Variants in ARSG observed in about 807,000 individuals in gnomAD.
ARSG encodes the protein arylsulfatase G.
ARSG carries 37 observed loss-of-function variants against 50.5 expected under a neutral mutation model. The observed-to-expected ratio is 0.73, with a 90% CI of 0.56 to 0.96. ARSG has a LOEUF of 0.96. Ranked by LOEUF, ARSG falls within the 50% of genes least tolerant of loss-of-function variation. The probability of loss-of-function intolerance (pLI) is 0.00; values close to 1 mark genes in which losing one functional copy is unlikely to be tolerated. For missense variants in ARSG, 629 were observed against 675.3 expected, an observed-to-expected ratio of 0.93 and a Z score of 0.76; for synonymous variants, 225 against 254.6, an observed-to-expected ratio of 0.88 and a Z score of 1.11.
rs1352821640 is a variant in ARSG, at chr17:68,378,827, A to G, written c.983-6237A>G. Among the ~76,000 whole-genome samples the G allele has an allele frequency of 6.6e-6, 1 of 150,626 alleles. No homozygotes were observed. Among genetic ancestry groups the G allele is most frequent in the Non-Finnish European group, 1.5e-5 (1 of 67,796 alleles). ...TGTTGAATTTGGCATCCAGGCTCCTAGGAGACCTTGGTTGTTTGTAATTTG... is the reference window on the plus strand; with the variant it reads ...TGTTGAATTTGGCATCCAGGCTCCTGGGAGACCTTGGTTGTTTGTAATTTG... On this transcript the variant is annotated intron_variant, in intron 8 of 11. Transcript: ENST00000621439. The surrounding 1 kb of genome is among the most constrained non-coding windows in gnomAD (Gnocchi z 4.4).
intron 7 of ARSG, among the ~76,000 whole-genome samples, chr17:68,369,985 G>A (rs1221879922): frequency 6.6e-6 from 1 of 152,032 alleles, no homozygotes; most frequent in Non-Finnish European, 1.5e-5. Flanking sequence ...TGTTCTTCAC[G>A]GATGGGAATC....
chr17:68,426,154 G>A (rs774841316), downstream of ARSG: 123 of 1,591,874 alleles, frequency 7.7e-5, 1 homozygote, highest in Non-Finnish European at 7.4e-5. Context: ...TCCTCGCAGC[G>A]CCCCGCCGTC....
At chr17:68,338,382 G>A (rs189359521) in intron 2 of ARSG, among the ~76,000 whole-genome samples, 2 of 152,270 alleles carry the variant, frequency 1.3e-5, no homozygotes, top group East Asian at 1.9e-4. Context: ...CTTTATCTCA[G>A]TTTCCTCCTT....
In ARSG at chr17:68,347,122, C is replaced by T. The variant is rs1206149531; in HGVS notation, c.407-3C>T. On this transcript the variant is annotated splice_region_variant and splice_polypyrimidine_tract_variant and intron_variant, in intron 3 of 11. Coordinates refer to ENST00000621439, the MANE Select transcript of ARSG (RefSeq NM_001267727.2). The stretch of plus-strand genomic sequence containing the variant: ...TGAAAATCTCTCTTATGTTTTTCTA[C>T]AGGCAAATGGCATCTTGGACACCAC... 2 of 1,613,972 alleles carry T rather than the reference C, an allele frequency of 1.2e-6. No individual in the cohort carries two copies. Among genetic ancestry groups the T allele is most frequent in the East Asian group, 2.2e-5 (1 of 44,882 alleles).
chr17:68,395,310 G>A lies in ARSG; in HGVS notation c.1212+117G>A, dbSNP rs878938078. 1.8e-5 allele frequency: 27 copies of A among 1,468,882 alleles called. No homozygotes were observed. The Admixed American group carries it at 2.1e-4, about 11-fold the overall frequency. 91.0% of individuals were successfully genotyped at this position (1,468,882 alleles called of 1,614,324 possible). A position where few individuals can be genotyped will look rare whatever the true frequency, so the allele number is the denominator to read the frequency against. ...GATGGTCAAGAACAGGCTGCAGGTC[G>A]GATACAGTGGCTCACGCCTGTAATC... On this transcript the variant is annotated intron_variant, in intron 10 of 11. Coordinates refer to ENST00000621439, the MANE Select transcript of ARSG (RefSeq NM_001267727.2).
intron 8 of ARSG, among the ~76,000 whole-genome samples, chr17:68,373,478 C>T (rs1256523133): frequency 6.6e-6 from 1 of 152,104 alleles, no homozygotes; most frequent in East Asian, 1.9e-4. Flanking sequence ...ATCCACCCAT[C>T]TTGGCCTTCC....
At chr17:68,319,278 T>C (rs528548196) in intron 2 of ARSG, among the ~76,000 whole-genome samples, 27 of 152,334 alleles carry the variant, frequency 1.8e-4, no homozygotes, top group African/African-American at 6.3e-4. Context: ...CATTATCCCC[T>C]AGAGGCCAGC....
At chr17:68,342,900 C>T (rs1020147033) in intron 2 of ARSG, among the ~76,000 whole-genome samples, 3 of 152,158 alleles carry the variant, frequency 2.0e-5, no homozygotes, top group Non-Finnish European at 2.9e-5. Flanking sequence ...AGAATGTGTG[C>T]GCCAAAGCTA....
chr17:68,273,446 G>A (rs1280113114), intron 1 of ARSG, among the ~76,000 whole-genome samples: 3 of 152,000 alleles, frequency 2.0e-5, no homozygotes, highest in Non-Finnish European at 2.9e-5. Flanking sequence ...GTCTCAAACT[G>A]CTGGGCTCAC....
At chr17:68,420,127 G>A (rs771003277) in intron 11 of ARSG, 62 bp from the exon 12 acceptor site, 58 of 1,572,408 alleles carry the variant, frequency 3.7e-5, no homozygotes, top group Admixed American at 7.2e-5. Context: ...CGCAGCTCTC[G>A]TCTTTACAAC....
intron 5 of ARSG, among the ~76,000 whole-genome samples, chr17:68,355,759 T>G (rs1022779043): frequency 6.6e-6 from 1 of 152,030 alleles, no homozygotes; most frequent in African/African-American, 2.4e-5. Flanking sequence ...TGTTTTTTTT[T>G]TTTTTCCAGG....
In ARSG at chr17:68,307,574, C is replaced by T. The variant is rs1450573573; in HGVS notation, c.81C>T (p.Ile27=). 1.2e-6 allele frequency: 2 copies of T among 1,614,042 alleles called. No individual in the cohort carries two copies. The highest frequency in any genetic ancestry group is 1.7e-6 in the Non-Finnish European group (2 of 1,180,002). ...TTTATCCTCTTGTGGATTTTTGCAT[C>T]AGTGGGAAAACAAGAGGACAGAAGC... The part of the protein sequence containing the change: ...GFLYPLVDFC[I]SGKTRGQKPN... The change falls in exon 2 of 12, where the codon ATC becomes ATT. Residue 27 remains isoleucine (I), a synonymous_variant. Coordinates refer to ENST00000621439, the MANE Select transcript of ARSG (RefSeq NM_001267727.2).
Position 68,347,191 on chromosome 17 carries a change from A to C in ARSG, c.454+19A>C. The C allele has an allele frequency of 6.2e-7, 1 of 1,611,884 alleles. No homozygotes were observed. Among genetic ancestry groups the C allele is most frequent in the East Asian group, 2.2e-5 (1 of 44,866 alleles). ...TTCCGTGGTAAGAATTCTTTTGGGGATTTGTTACCTGGGAAACAGAAAATA... is the reference window on the plus strand; with the variant it reads ...TTCCGTGGTAAGAATTCTTTTGGGGCTTTGTTACCTGGGAAACAGAAAATA... On this transcript the variant is annotated intron_variant, in intron 4 of 11. Coordinates refer to ENST00000621439, the MANE Select transcript of ARSG (RefSeq NM_001267727.2).
intron 1 of ARSG, chr17:68,278,327 T>G: frequency 6.2e-7 from 1 of 1,607,044 alleles, no homozygotes; most frequent in Non-Finnish European, 8.5e-7. Flanking sequence ...TCATTCTTAA[T>G]CTGAAAGAAA....
intron 9 of ARSG, among the ~76,000 whole-genome samples, chr17:68,386,515 G>A (rs983304029): frequency 6.6e-6 from 1 of 152,182 alleles, no homozygotes; most frequent in Non-Finnish European, 1.5e-5. Flanking sequence ...ACCCCTGGCA[G>A]CCTGTGGGGC....
At chr17:68,396,225 C>A (rs1329751306) in intron 10 of ARSG, among the ~76,000 whole-genome samples, 2 of 152,124 alleles carry the variant, frequency 1.3e-5, no homozygotes, top group Non-Finnish European at 2.9e-5. Context: ...CCATCTTGAC[C>A]AGGCTGGTCT....
chr17:68,309,145 TG>T (rs2076736865), intron 2 of ARSG, among the ~76,000 whole-genome samples: 1 of 152,230 alleles, frequency 6.6e-6, no homozygotes, highest in Admixed American at 6.5e-5. Flanking sequence ...CCGCAGCTGC[TG>T]GCCCGGGTTC....
At chr17:68,443,409 G>A in the ARSG span, among the ~76,000 whole-genome samples, 14 of 152,062 alleles carry the variant, frequency 9.2e-5, no homozygotes, top group East Asian at 1.9e-4. Flanking sequence ...CACCGCACCC[G>A]GCTAGCTTTG....
chr17:68,303,974 T>A (rs976085384), intron 1 of ARSG, among the ~76,000 whole-genome samples: 1 of 152,230 alleles, frequency 6.6e-6, no homozygotes, highest in Non-Finnish European at 1.5e-5. Context: ...AAGTAATGAT[T>A]CTCTTTGAAA....
Sources: allele counts gnomAD v4.1 joint callset (sites outside exome capture counted in the v4.1 genomes callset), GRCh38; gene constraint gnomAD v4.1.1; non-coding constraint Gnocchi (gnomAD v3.1); transcripts MANE v1.5; gene names NCBI Gene and HGNC (gene_info 2026-07-23, HGNC 2026-07-21).